DMD: variants seen among roughly 807,000 people sequenced by gnomAD.
DMD encodes the protein mutant dystrophin.
Under a neutral mutation model 330.1 loss-of-function variants are expected in DMD, and 63 were observed. The observed-to-expected ratio is 0.19, with a 90% CI of 0.16 to 0.24. The LOEUF is 0.24. DMD is among the 10% of genes least tolerant of loss of function. DMD has a pLI of 1.00. For missense variants in DMD, 3,344 were observed against 2,684.1 expected (o/e 1.25, Z -5.43); for synonymous variants, 1,223 against 959.8 (o/e 1.27, Z -5.07).
At chrX:32,232,804 C>T (rs991836156) in intron 43 of DMD, among the ~76,000 whole-genome samples, 4 of 111,718 alleles carry the variant, frequency 3.6e-5, no homozygotes, top group Non-Finnish European at 7.5e-5. Flanking sequence ...TTAGGTGTTT[C>T]ATCTAAAGTT....
At chrX:31,228,267 T>G (rs5927709) in intron 63 of DMD, among the ~76,000 whole-genome samples, 6 of 39,583 alleles carry the variant, frequency 1.5e-4, no homozygotes, top group South Asian at 1.4e-3. Context: ...AAAAAAAAAA[T>G]AAAAAAATAA....
chrX:32,953,628 A>C (rs1253775146), intron 2 of DMD, among the ~76,000 whole-genome samples: 7 of 112,076 alleles, frequency 6.2e-5, no homozygotes, highest in African/African-American at 2.3e-4. Flanking sequence ...ACAAATCAAT[A>C]CAGAAATATT....
In DMD at chrX:32,345,961, T is replaced by G; in HGVS notation, c.5568A>C (p.Thr1856=). ...EIKIKQQLLQ[T]KHNALKDLRS... is the part of the protein sequence containing the mutation. ...CTAATACCTTGAGAGCATTATGTTTTGTCTGTAACAGCTGCTGTTTTATCT... is the reference window on the plus strand; with the variant it reads ...CTAATACCTTGAGAGCATTATGTTTGGTCTGTAACAGCTGCTGTTTTATCT... The change falls in exon 39 of 79, where the codon ACA becomes ACC. Residue 1856 remains threonine (T), a synonymous_variant. Transcript: ENST00000357033. The G allele has an allele frequency of 8.3e-7, 1 of 1,209,844 alleles. No homozygotes were observed. The highest frequency in any genetic ancestry group is 1.1e-6 in the Non-Finnish European group (1 of 894,427).
intron 74 of DMD, among the ~76,000 whole-genome samples, chrX:31,169,155 A>C (rs969501170): frequency 4.5e-5 from 5 of 111,339 alleles, no homozygotes; most frequent in Non-Finnish European, 5.7e-5. Context: ...TCTATTCTGA[A>C]ATATAAAATC....
intron 44 of DMD, among the ~76,000 whole-genome samples, chrX:32,148,356 GA>G: frequency 9.0e-6 from 1 of 111,322 alleles, no homozygotes; most frequent in African/African-American, 3.3e-5. Flanking sequence ...CATTGTTAAA[GA>G]ATTTGAAAAT....
intron 55 of DMD, among the ~76,000 whole-genome samples, chrX:31,590,623 T>C (rs374101950): frequency 9.0e-6 from 1 of 111,381 alleles, no homozygotes; most frequent in African/African-American, 3.2e-5. Flanking sequence ...ATCACAAAGT[T>C]CTCACATCAC....
chrX:32,968,969 A>G (rs1430693443), intron 2 of DMD, among the ~76,000 whole-genome samples: 1 of 89,217 alleles, frequency 1.1e-5, no homozygotes, highest in Non-Finnish European at 2.1e-5. Context: ...CAGAGGTTGC[A>G]GTGAGCCAAG....
chrX:31,151,609 T>C (rs1201574741), intron 74 of DMD, among the ~76,000 whole-genome samples: 2 of 112,687 alleles, frequency 1.8e-5, no homozygotes, highest in Non-Finnish European at 3.7e-5. Context: ...ATTACATTTC[T>C]GTTTTGGTGG....
At chrX:32,774,245 C>T (rs1411072456) in intron 7 of DMD, among the ~76,000 whole-genome samples, 3 of 111,750 alleles carry the variant, frequency 2.7e-5, no homozygotes, top group Non-Finnish European at 5.6e-5. Flanking sequence ...ACCAAGTACC[C>T]CTTCTTTCAA....
At chrX:31,195,732 CAGAG>C (rs937593251) in intron 67 of DMD, among the ~76,000 whole-genome samples, 2 of 99,748 alleles carry the variant, frequency 2.0e-5, no homozygotes, top group Non-Finnish European at 4.0e-5. Context: ...GAGAAGGGGA[CAGAG>C]AGAGGGAGGG....
intron 5 of DMD, among the ~76,000 whole-genome samples, chrX:32,821,542 C>T (rs1038824414): frequency 5.2e-4 from 57 of 108,759 alleles, no homozygotes; most frequent in Non-Finnish European, 7.2e-4. Flanking sequence ...GAGCCGAGAT[C>T]GCGCCACTGC....
At chrX:31,855,916 C>A (rs2093606958) in intron 48 of DMD, among the ~76,000 whole-genome samples, 1 of 111,920 alleles carries the variant, frequency 8.9e-6, no homozygotes, top group African/African-American at 3.2e-5. Context: ...GACTGTTGCA[C>A]TTAGCCTTTA....
chrX:32,591,706 G>A (rs964148489), intron 13 of DMD, among the ~76,000 whole-genome samples: 1 of 112,254 alleles, frequency 8.9e-6, no homozygotes, highest in Non-Finnish European at 1.9e-5. Flanking sequence ...GAACAAGCAG[G>A]AGCGCTGCTC....
chrX:33,102,338 T>G (rs1218159948), intron 1 of DMD, among the ~76,000 whole-genome samples: 3 of 107,524 alleles, frequency 2.8e-5, no homozygotes, highest in Admixed American at 2.0e-4. Flanking sequence ...TTTTAAGTAT[T>G]CCACTTTAAA....
At chrX:32,760,719 A>G (rs1301674159) in intron 7 of DMD, among the ~76,000 whole-genome samples, 1 of 112,064 alleles carries the variant, frequency 8.9e-6, no homozygotes, top group African/African-American at 3.2e-5. Flanking sequence ...AATACTTCAT[A>G]TATTGATGTT....
intron 1 of DMD, among the ~76,000 whole-genome samples, chrX:33,156,779 T>C (rs1346207580): frequency 1.8e-5 from 2 of 111,895 alleles, no homozygotes; most frequent in Non-Finnish European, 3.8e-5. Context: ...AGACCAAATA[T>C]ACAATAACAA....
At chrX:32,494,389 G>A (rs772903795) in intron 19 of DMD, among the ~76,000 whole-genome samples, 2 of 111,137 alleles carry the variant, frequency 1.8e-5, no homozygotes, top group African/African-American at 6.5e-5. Context: ...ATCTATAATA[G>A]CAAAAAGGGG....
intron 60 of DMD, among the ~76,000 whole-genome samples, chrX:31,406,768 G>A (rs1380989793): frequency 9.0e-6 from 1 of 111,168 alleles, no homozygotes; most frequent in Non-Finnish European, 1.9e-5. Flanking sequence ...CAATTGCAGA[G>A]CCCCTGTTCC....
intron 52 of DMD, among the ~76,000 whole-genome samples, chrX:31,697,170 C>T (rs923465608): frequency 4.5e-5 from 5 of 111,384 alleles, no homozygotes; most frequent in Non-Finnish European, 9.4e-5. Flanking sequence ...ACCACACTTG[C>T]GACACTTCAC....
Sources: allele counts gnomAD v4.1 joint callset (sites outside exome capture counted in the v4.1 genomes callset), GRCh38; gene constraint gnomAD v4.1.1; transcripts MANE v1.5; gene names NCBI Gene and HGNC (gene_info 2026-07-23, HGNC 2026-07-21).